The following LINGO2 variants were observed in gnomAD, a reference collection of about 807,000 sequenced individuals.
The protein encoded by LINGO2 is leucine-rich repeat and immunoglobulin-like domain-containing nogo receptor-interacting protein 2.
Under a neutral mutation model 30.6 loss-of-function variants are expected in LINGO2, and 14 were observed. The observed-to-expected ratio is 0.46, with a 90% CI of 0.30 to 0.72. The LOEUF is 0.72. Among genes scored for constraint, LINGO2 ranks in the 30% least tolerant of loss-of-function variants. The pLI, the probability that LINGO2 is intolerant of heterozygous loss-of-function variation, is 0.07. For synonymous variants in LINGO2, 317 were observed against 288.5 expected (o/e 1.10, Z -1.00); for missense variants, 729 against 751.7 (o/e 0.97, Z 0.35).
chr9:28,009,126 A>G (rs1402829823), intron 5 of LINGO2, among the ~76,000 whole-genome samples: 4 of 120,922 alleles, frequency 3.3e-5, no homozygotes, highest in Non-Finnish European at 6.9e-5. Flanking sequence ...TTTGACAGAT[A>G]ATTCAAAGGG....
chr9:28,167,611 C>T (rs774183861), intron 4 of LINGO2, among the ~76,000 whole-genome samples: 2 of 152,108 alleles, frequency 1.3e-5, no homozygotes, highest in African/African-American at 4.8e-5. Flanking sequence ...GGCCTGGAAC[C>T]CCTGTGCTCA....
chr9:28,859,687 T>TTAG, the LINGO2 span, among the ~76,000 whole-genome samples: 4 of 151,978 alleles, frequency 2.6e-5, no homozygotes, highest in Non-Finnish European at 5.9e-5. Flanking sequence ...AGGAACTATG[T>TTAG]TAGTAGTTAA....
chr9:28,281,620 G>A (rs1823329202), intron 4 of LINGO2, among the ~76,000 whole-genome samples: 1 of 152,042 alleles, frequency 6.6e-6, no homozygotes, highest in African/African-American at 2.4e-5. Flanking sequence ...AAAATTAACA[G>A]TGCCTGACCT....
At chr9:28,650,078 T>C (rs1174498715) in intron 1 of LINGO2, among the ~76,000 whole-genome samples, 1 of 150,720 alleles carries the variant, frequency 6.6e-6, no homozygotes, top group Non-Finnish European at 1.5e-5. Context: ...GTAGCTGTAC[T>C]AAAGGTCTGA....
At chr9:28,365,108 A>T (rs1166468415) in intron 3 of LINGO2, among the ~76,000 whole-genome samples, 1 of 152,182 alleles carries the variant, frequency 6.6e-6, no homozygotes, top group African/African-American at 2.4e-5. Flanking sequence ...TCTAAGTTCA[A>T]ATAAGGGAGT....
chr9:29,153,363 A>G, the LINGO2 span, among the ~76,000 whole-genome samples: 14 of 152,170 alleles, frequency 9.2e-5, no homozygotes, highest in African/African-American at 3.1e-4. Flanking sequence ...ACTCATTCCA[A>G]TGAATTTCTT....
chr9:29,187,486 T>C, the LINGO2 span, among the ~76,000 whole-genome samples: 1 of 152,238 alleles, frequency 6.6e-6, no homozygotes, highest in Non-Finnish European at 1.5e-5. Context: ...AATTTTTCAA[T>C]CCAATTTGTG....
the LINGO2 span, among the ~76,000 whole-genome samples, chr9:28,874,923 G>A: frequency 9.9e-5 from 15 of 152,070 alleles, no homozygotes; most frequent in Non-Finnish European, 1.5e-5. Flanking sequence ...TTCTGAGAAA[G>A]GTTGTACTGG....
At chr9:28,450,843 A>G (rs1231844364) in intron 2 of LINGO2, among the ~76,000 whole-genome samples, 2 of 151,956 alleles carry the variant, frequency 1.3e-5, no homozygotes, top group East Asian at 1.9e-4. Context: ...CTCTATTGTC[A>G]TTATAAAAAT....
At chr9:28,242,802 G>A (rs1821847657) in intron 4 of LINGO2, among the ~76,000 whole-genome samples, 1 of 152,228 alleles carries the variant, frequency 6.6e-6, no homozygotes, top group Non-Finnish European at 1.5e-5. Context: ...AGCCAGAAGA[G>A]AGTAGGGGCC....
At chr9:28,478,481 A>G (rs536485368) in intron 1 of LINGO2, among the ~76,000 whole-genome samples, 8 of 152,220 alleles carry the variant, frequency 5.3e-5, no homozygotes, top group Non-Finnish European at 1.2e-4. Context: ...TCCATCACAT[A>G]GGTTACTCTG....
intron 4 of LINGO2, among the ~76,000 whole-genome samples, chr9:28,172,345 C>T (rs184142009): frequency 6.6e-6 from 1 of 150,602 alleles, no homozygotes. Flanking sequence ...GAGCCGAGAT[C>T]CCGCCACTGC....
At chr9:28,140,787 C>T (rs1423461846) in intron 4 of LINGO2, among the ~76,000 whole-genome samples, 1 of 152,132 alleles carries the variant, frequency 6.6e-6, no homozygotes, top group African/African-American at 2.4e-5. Flanking sequence ...CTAAGTTATA[C>T]ACTCCACAAA....
chr9:27,965,423 G>GA lies in LINGO2; in HGVS notation c.-35-14718dup, dbSNP rs541881326. On this transcript the variant is annotated intron_variant, in intron 5 of 5. Coordinates refer to ENST00000379992, the Ensembl canonical transcript of LINGO2. ...CCAGTAACGCTTCCTTTTAAAAATA[G>GA]AAAAAAAAAAAACCCACACAATTTT... Among the ~76,000 whole-genome samples, 814 of 138,084 alleles carry GA rather than the reference G, an allele frequency of 5.9e-3. 2 individuals carry two copies. Among genetic ancestry groups the GA allele is most frequent in the South Asian group, 0.016 (67 of 4,278 alleles). 90.6% of individuals were successfully genotyped at this position (138,084 alleles called of 152,430 possible).
At chr9:28,561,743 GTGTGTGTA>G (rs1244625646) in intron 1 of LINGO2, among the ~76,000 whole-genome samples, 1 of 44,454 alleles carries the variant, frequency 2.2e-5, no homozygotes, top group African/African-American at 9.9e-5. Flanking sequence ...TTTTGTGTGT[GTGTGTGTA>G]TATATATATA....
At chr9:28,532,241 T>C (rs915060452) in intron 1 of LINGO2, among the ~76,000 whole-genome samples, 5 of 152,176 alleles carry the variant, frequency 3.3e-5, no homozygotes, top group African/African-American at 7.2e-5. Flanking sequence ...GCAAGTTGAA[T>C]AGATTTCTCC....
At chr9:28,766,798 G>T in the LINGO2 span, among the ~76,000 whole-genome samples, 2 of 128,146 alleles carry the variant, frequency 1.6e-5, no homozygotes, top group Admixed American at 7.4e-5. Flanking sequence ...GGGAGAGAGA[G>T]AGAGAGGGAA....
At chr9:28,094,186 G>A (rs1332551652) in intron 4 of LINGO2, among the ~76,000 whole-genome samples, 1 of 152,104 alleles carries the variant, frequency 6.6e-6, no homozygotes, top group Admixed American at 6.6e-5. Flanking sequence ...GAAAATGACT[G>A]TAAGATGCAT....
chr9:29,005,318 C>T, the LINGO2 span, among the ~76,000 whole-genome samples: 5 of 151,932 alleles, frequency 3.3e-5, no homozygotes, highest in South Asian at 2.1e-4. Context: ...CTTAAATACA[C>T]ACACACACAA....
Sources: gnomAD v4.1 joint callset for allele counts (sites outside exome capture counted in the v4.1 genomes callset) on GRCh38, gnomAD v4.1.1 for gene constraint, MANE v1.5 for transcripts, NCBI Gene and HGNC (gene_info 2026-07-23, HGNC 2026-07-21) for gene names.